Variants in PRDM16 observed in about 807,000 individuals in gnomAD.
PRDM16 encodes histone-lysine N-methyltransferase PRDM16.
A neutral mutation model predicts 110.6 loss-of-function variants in PRDM16; 23 were observed. That is an observed-to-expected ratio of 0.21 (90% confidence interval 0.15 to 0.29). The LOEUF is 0.29. PRDM16 is among the 10% of genes least tolerant of loss of function. The probability of loss-of-function intolerance (pLI) is 1.00; values close to 1 mark genes in which losing one functional copy is unlikely to be tolerated. For synonymous variants in PRDM16, 799 were observed against 781.8 expected (o/e 1.02, Z -0.37); for missense variants, 1,615 against 1,794.3 (o/e 0.90, Z 1.81).
At chr1:3,377,252 A>C (rs1440870089) in intron 3 of PRDM16, among the ~76,000 whole-genome samples, 1 of 152,126 alleles carries the variant, frequency 6.6e-6, no homozygotes, top group Non-Finnish European at 1.5e-5. Context: ...GCCTCCTGGC[A>C]GCAGCAGGAG....
intron 3 of PRDM16, among the ~76,000 whole-genome samples, chr1:3,268,171 C>T (rs1172857997): frequency 3.9e-5 from 6 of 152,168 alleles, no homozygotes; most frequent in African/African-American, 9.7e-5. Flanking sequence ...GAGAAGGGCC[C>T]GACGCTCCTG....
intron 1 of PRDM16, among the ~76,000 whole-genome samples, chr1:3,145,132 A>C (rs1209359147): frequency 1.3e-5 from 2 of 152,136 alleles, no homozygotes; most frequent in East Asian, 3.9e-4. Flanking sequence ...CGTCCATGCC[A>C]CCCAGCCAGG....
At chr1:3,284,173 G>A (rs1029845706) in intron 3 of PRDM16, among the ~76,000 whole-genome samples, 1 of 152,324 alleles carries the variant, frequency 6.6e-6, no homozygotes, top group Admixed American at 6.5e-5. Context: ...CCTGCCTGGG[G>A]GACATCTCGC....
chr1:3,193,605 A>G (rs955429569), intron 2 of PRDM16, among the ~76,000 whole-genome samples: 3 of 152,186 alleles, frequency 2.0e-5, no homozygotes, highest in African/African-American at 7.2e-5. Flanking sequence ...AGGAAGGCTC[A>G]ACCCAGGGAG....
rs1197943490 is a variant in PRDM16, at chr1:3,200,362, A to C, written c.387+13888A>C. 4.6e-5 allele frequency among the ~76,000 whole-genome samples: 7 copies of C among 151,800 alleles called. No homozygotes were observed. The East Asian group carries it at 1.4e-3, about 30-fold the overall frequency. Reference sequence around the variant, plus strand: ...TTTTTTTTTTATTTTTTATTTTTTGAGATGGAGTCTTGCTCTGCTGCCCAG... The same window carrying C: ...TTTTTTTTTTATTTTTTATTTTTTGCGATGGAGTCTTGCTCTGCTGCCCAG... On this transcript the variant is annotated intron_variant, in intron 2 of 16. Coordinates refer to ENST00000270722, the MANE Select transcript of PRDM16 (RefSeq NM_022114.4).
chr1:3,151,081 C>T (rs998416087), intron 1 of PRDM16, among the ~76,000 whole-genome samples: 3 of 152,156 alleles, frequency 2.0e-5, no homozygotes, highest in Non-Finnish European at 2.9e-5. Context: ...GGGGAGGTGG[C>T]GGGACCCCTG....
At chr1:3,084,649 T>C (rs963575847) in intron 1 of PRDM16, among the ~76,000 whole-genome samples, 1 of 152,168 alleles carries the variant, frequency 6.6e-6, no homozygotes, top group African/African-American at 2.4e-5. Context: ...GCACTTGTCC[T>C]TGAGAATTTG....
intron 1 of PRDM16, among the ~76,000 whole-genome samples, chr1:3,147,185 G>A (rs1643689736): frequency 1.3e-5 from 2 of 151,880 alleles, no homozygotes; most frequent in South Asian, 2.1e-4. Flanking sequence ...TGTGCTCGGT[G>A]TGGGTGTGGA....
chr1:3,181,730 G>GGTCTTACACACGGA, intron 1 of PRDM16, among the ~76,000 whole-genome samples: 1 of 119,772 alleles, frequency 8.3e-6, no homozygotes, highest in Non-Finnish European at 1.8e-5. Context: ...TCTTACACAC[G>GGTCTTACACACGGA]GTCTTACACA....
At chr1:3,258,643 A>G (rs1640098566) in intron 3 of PRDM16, among the ~76,000 whole-genome samples, 1 of 152,248 alleles carries the variant, frequency 6.6e-6, no homozygotes, top group Admixed American at 6.5e-5. Context: ...AGCCACAGAA[A>G]TGTTTGCATT....
At chr1:3,348,741 G>A (rs114524816) in intron 3 of PRDM16, among the ~76,000 whole-genome samples, 189 of 152,336 alleles carry the variant, frequency 1.2e-3, no homozygotes, top group African/African-American at 4.2e-3. Flanking sequence ...CCTCCCCTCT[G>A]CCCTTGGGGA....
At chr1:3,410,828 A>G (rs1643672243) in intron 8 of PRDM16, among the ~76,000 whole-genome samples, 1 of 152,160 alleles carries the variant, frequency 6.6e-6, no homozygotes, top group Non-Finnish European at 1.5e-5. Context: ...CATCACATGC[A>G]TTCGCTTTCC....
chr1:3,181,022 G>A (rs376764603), intron 1 of PRDM16, among the ~76,000 whole-genome samples: 31 of 121,740 alleles, frequency 2.5e-4, no homozygotes, highest in African/African-American at 8.5e-4. Context: ...TTACAAATGC[G>A]GTCTTACACG....
rs1168480089 is a variant in PRDM16, at chr1:3,157,007, G to C, written c.38-29118G>C. Among the ~76,000 whole-genome samples the C allele has an allele frequency of 6.6e-6, 1 of 152,216 alleles. No homozygotes were observed. The highest frequency in any genetic ancestry group is 1.5e-5 in the Non-Finnish European group (1 of 68,040). ...AGCGTGTGGTGCAAGCTGTAAGCCA[G>C]TGAGTGTCTGGTTAGAGGCTGGGCT... On this transcript the variant is annotated intron_variant, in intron 1 of 16. Coordinates refer to ENST00000270722, the MANE Select transcript of PRDM16 (RefSeq NM_022114.4). The surrounding 1 kb of genome is among the most constrained non-coding windows in gnomAD (Gnocchi z 4.8).
chr1:3,094,818 T>G (rs1387684003), intron 1 of PRDM16, among the ~76,000 whole-genome samples: 2 of 152,108 alleles, frequency 1.3e-5, no homozygotes, highest in Non-Finnish European at 2.9e-5. Flanking sequence ...GGTGGGGCCT[T>G]GTCCCTGCTG....
chr1:3,152,367 TCC>T (rs1419363391), intron 1 of PRDM16, among the ~76,000 whole-genome samples: 1 of 149,152 alleles, frequency 6.7e-6, no homozygotes, highest in Non-Finnish European at 1.5e-5. Context: ...CATCCATCCA[TCC>T]ATCCATCCAT....
chr1:3,350,629 G>A lies in PRDM16; in HGVS notation c.439-34523G>A, dbSNP rs1171077190. Among the ~76,000 whole-genome samples, 1 of 152,090 alleles carries A rather than the reference G, an allele frequency of 6.6e-6. No individual in the cohort carries two copies. The highest frequency in any genetic ancestry group is 1.5e-5 in the Non-Finnish European group (1 of 67,994). ...TGGGAGCCAGCCCTGCCCGGCCAGG[G>A]CTCGGGCACAGCTTGGCTCCATGCA... On this transcript the variant is annotated intron_variant, in intron 3 of 16. Transcript: ENST00000270722. This position sits in a 1 kb window ranked among gnomAD's most constrained non-coding sequence, Gnocchi z 7.1.
At chr1:3,252,411 C>T (rs1569930218) in intron 3 of PRDM16, among the ~76,000 whole-genome samples, 1 of 152,274 alleles carries the variant, frequency 6.6e-6, no homozygotes, top group East Asian at 1.9e-4. Flanking sequence ...CTTCTTGGGG[C>T]CCAGTCCTGC....
chr1:3,089,777 C>T (rs1490824929), intron 1 of PRDM16, among the ~76,000 whole-genome samples: 1 of 152,224 alleles, frequency 6.6e-6, no homozygotes, highest in Non-Finnish European at 1.5e-5. Context: ...GGTCTCCCAC[C>T]CGCACCAGGG....
Sources: allele counts gnomAD v4.1 joint callset (sites outside exome capture counted in the v4.1 genomes callset), GRCh38; gene constraint gnomAD v4.1.1; non-coding constraint Gnocchi (gnomAD v3.1); transcripts MANE v1.5; gene names NCBI Gene and HGNC (gene_info 2026-07-23, HGNC 2026-07-21).